The following ZNF638 variants were observed in gnomAD, a reference collection of about 807,000 sequenced individuals.
ZNF638 encodes the protein CTCL tumor antigen se33-1.
In ZNF638, 46 loss-of-function variants were observed where a neutral mutation model predicts 195.6. The observed-to-expected ratio is 0.24, with a 90% confidence interval of 0.19 to 0.30. The LOEUF (loss-of-function observed/expected upper bound fraction) is 0.30, where lower values mean the gene tolerates loss of function less well. Ranked by LOEUF, ZNF638 falls within the 10% of genes least tolerant of loss-of-function variation. The pLI is 1.00. For missense variants in ZNF638, 2,440 were observed against 2,325.3 expected, an observed-to-expected ratio of 1.05 and a Z score of -1.01; for synonymous variants, 845 against 772.0, an observed-to-expected ratio of 1.09 and a Z score of -1.57.
At chr2:71,368,561 C>T (rs770125532) in intron 7 of ZNF638, 33 bp downstream of exon 7, 3 of 1,605,620 alleles carry the variant, frequency 1.9e-6, no homozygotes, top group Admixed American at 3.4e-5. Flanking sequence ...AAAATTCATA[C>T]AAAGTGATTG....
chr2:71,419,426 A>G (rs563661246), intron 21 of ZNF638, among the ~76,000 whole-genome samples: 1 of 152,312 alleles, frequency 6.6e-6, no homozygotes, highest in Non-Finnish European at 1.5e-5. Flanking sequence ...TAAAGTGTTT[A>G]TTTTATCTGA....
intron 1 of ZNF638, among the ~76,000 whole-genome samples, chr2:71,340,773 A>G (rs1301212840): frequency 6.6e-6 from 1 of 152,204 alleles, no homozygotes; most frequent in East Asian, 1.9e-4. Context: ...TATCTGGTAT[A>G]TGGAAAGAAC....
At chr2:71,394,270 C>T (rs2079848283) in intron 10 of ZNF638, among the ~76,000 whole-genome samples, 1 of 152,112 alleles carries the variant, frequency 6.6e-6, no homozygotes, top group Non-Finnish European at 1.5e-5. Context: ...ATGGGATATC[C>T]CAGACCCCAA....
intron 10 of ZNF638, among the ~76,000 whole-genome samples, chr2:71,383,762 C>CTTTTTTTTT (rs1181570876): frequency 5.7e-4 from 44 of 76,722 alleles, no homozygotes; most frequent in Middle Eastern, 0.011. Context: ...TTTTCTTTTT[C>CTTTTTTTTT]TTTTTTTTTT....
At chr2:71,346,409 T>C (rs2078851364) in intron 1 of ZNF638, among the ~76,000 whole-genome samples, 1 of 152,216 alleles carries the variant, frequency 6.6e-6, no homozygotes, top group Non-Finnish European at 1.5e-5. Flanking sequence ...TTTAACAGAA[T>C]GTAGGTATCA....
At chr2:71,382,800 A>G (rs1483693770) in intron 10 of ZNF638, among the ~76,000 whole-genome samples, 1 of 152,246 alleles carries the variant, frequency 6.6e-6, no homozygotes, top group Admixed American at 6.5e-5. Flanking sequence ...AAGCAGAACC[A>G]GGGTAAAGGT....
chr2:71,370,965 C>T (rs2079300413), intron 8 of ZNF638, among the ~76,000 whole-genome samples: 1 of 152,012 alleles, frequency 6.6e-6, no homozygotes, highest in East Asian at 1.9e-4. Context: ...ATTATCCCCT[C>T]CTCTACCCCC....
intron 10 of ZNF638, among the ~76,000 whole-genome samples, chr2:71,386,955 C>T (rs899960948): frequency 6.6e-6 from 1 of 151,820 alleles, no homozygotes; most frequent in Non-Finnish European, 1.5e-5. Context: ...TCAAGTGCTT[C>T]TTCCACCTCA....
chr2:71,384,967 A>G (rs1462743515), intron 10 of ZNF638, among the ~76,000 whole-genome samples: 1 of 152,206 alleles, frequency 6.6e-6, no homozygotes. Context: ...GTTCCACCAA[A>G]TCTTTCAGAA....
At chr2:71,395,183 C>T (rs963554119) in intron 10 of ZNF638, 3 of 716,096 alleles carry the variant, frequency 4.2e-6, no homozygotes, top group East Asian at 5.4e-5. Context: ...ACCCTCACTC[C>T]TTGATTGGAA....
chr2:71,361,263 G>C (rs1458841435), intron 3 of ZNF638, among the ~76,000 whole-genome samples: 6 of 152,158 alleles, frequency 3.9e-5, no homozygotes, highest in African/African-American at 1.2e-4. Context: ...ATTATTACCA[G>C]CTCTTGAATA....
intron 1 of ZNF638, among the ~76,000 whole-genome samples, chr2:71,336,723 C>A (rs2078677725): frequency 6.6e-6 from 1 of 151,966 alleles, no homozygotes; most frequent in Non-Finnish European, 1.5e-5. Flanking sequence ...AGCAGTGGGA[C>A]CAGAGTTATT....
intron 10 of ZNF638, chr2:71,388,374 C>CGACCTTTGATCATCT: frequency 1.7e-6 from 1 of 604,354 alleles, no homozygotes; most frequent in East Asian, 3.3e-5. Flanking sequence ...TTTGATCATC[C>CGACCTTTGATCATCT]GACCTTTGAT....
chr2:71,419,769 A>G (rs1001468111), intron 21 of ZNF638, among the ~76,000 whole-genome samples: 1 of 152,094 alleles, frequency 6.6e-6, no homozygotes, highest in Non-Finnish European at 1.5e-5. Context: ...AACCCATTTT[A>G]TTTCATTTTA....
intron 26 of ZNF638, among the ~76,000 whole-genome samples, chr2:71,432,948 G>A (rs954028152): frequency 1.3e-5 from 2 of 152,160 alleles, no homozygotes; most frequent in Non-Finnish European, 2.9e-5. Context: ...GTAGCCAGGC[G>A]CGGTGGCGCA....
intron 11 of ZNF638, among the ~76,000 whole-genome samples, chr2:71,397,111 G>A (rs1475984414): frequency 6.7e-6 from 1 of 150,298 alleles, no homozygotes; most frequent in Non-Finnish European, 1.5e-5. Flanking sequence ...AACTTGTCTT[G>A]AAGCTGCATT....
chr2:71,370,830 A>G (rs182242279), intron 8 of ZNF638, among the ~76,000 whole-genome samples: 10 of 152,210 alleles, frequency 6.6e-5, no homozygotes, highest in African/African-American at 2.4e-4. Flanking sequence ...TTGTGTATCA[A>G]ATAATCCAGT....
intron 10 of ZNF638, chr2:71,393,456 A>C: frequency 1.4e-6 from 1 of 718,294 alleles, no homozygotes; most frequent in Non-Finnish European, 2.6e-6. Flanking sequence ...GACCCAACAC[A>C]GTACCAGAAG....
chr2:71,379,936 A>C (rs1245613495), intron 8 of ZNF638: 3 of 188,720 alleles, frequency 1.6e-5, no homozygotes, highest in African/African-American at 7.0e-5. Context: ...AGGAAAAAAA[A>C]CATAGTATAT....
Sources: allele counts gnomAD v4.1 joint callset (sites outside exome capture counted in the v4.1 genomes callset), GRCh38; gene constraint gnomAD v4.1.1; transcripts MANE v1.5; gene names NCBI Gene and HGNC (gene_info 2026-07-23, HGNC 2026-07-21).